ZNF554: variants seen among roughly 807,000 people sequenced by gnomAD.
ZNF554 encodes the protein zinc finger protein 554.
Under a neutral mutation model 21.2 loss-of-function variants are expected in ZNF554, and 15 were observed. The observed-to-expected ratio is 0.71, with a 90% confidence interval of 0.47 to 1.09. ZNF554 has a LOEUF of 1.09. Ranked by LOEUF, ZNF554 falls within the 50% of genes least tolerant of loss-of-function variation. ZNF554 has a pLI of 0.00. For synonymous variants in ZNF554, 258 were observed against 251.4 expected (o/e 1.03, Z -0.25); for missense variants, 691 against 662.7 (o/e 1.04, Z -0.47).
intron 2 of ZNF554, 100 bp from the exon 3 acceptor site, chr19:2,827,517 G>T: frequency 6.8e-7 from 1 of 1,465,198 alleles, no homozygotes; most frequent in South Asian, 1.4e-5. Context: ...TTTGCACCTT[G>T]ACCTTTCTCA....
rs1025397801 is a variant in ZNF554, at chr19:2,833,407, A to T, written c.446-274A>T. 4.7e-5 allele frequency: 12 copies of T among 255,982 alleles called. No homozygotes were observed. In the Admixed American group the frequency reaches 5.9e-4, roughly 13 times the overall value. 15.9% of individuals were successfully genotyped at this position (255,982 alleles called of 1,614,324 possible). ...CCAAGGTGCTGGGATTACAGGCGTG[A>T]GCCACTGCACCTGGCCTACAGAGTA... On this transcript the variant is annotated intron_variant, in intron 4 of 4. Transcript: ENST00000317243.
At chr19:2,828,591 C>T (rs915468524) in intron 3 of ZNF554, among the ~76,000 whole-genome samples, 9 of 151,306 alleles carry the variant, frequency 5.9e-5, no homozygotes, top group African/African-American at 1.7e-4. Context: ...TGCTTGAACA[C>T]GGGAGGCAGA....
rs747285347 is a variant in ZNF554 at position 2,823,100 on chromosome 19, C to T, written c.114C>T (p.Pro38=). The change falls in exon 2 of 5, where the codon CCC becomes CCT. Residue 38 remains proline, a synonymous_variant. Coordinates refer to ENST00000317243, the MANE Select transcript of ZNF554 (RefSeq NM_001102651.2). ...QEERMAAGYL[P]RWSQELVTFE... ...AGAGAATGGCTGCTGGGTACCTGCC[C>T]CGCTGGTCCCAGGTGAGATGTCCTC... 12 of 1,613,084 alleles carry T rather than the reference C, an allele frequency of 7.4e-6. No individual in the cohort carries two copies. The highest frequency in any genetic ancestry group is 1.7e-5 in the Admixed American group (1 of 59,966).
Position 2,836,079 on chromosome 19 carries a change from C to T in ZNF554, c.*1227C>T, listed in dbSNP as rs987687259. On this transcript the variant is annotated 3_prime_UTR_variant, in exon 5 of 5. Transcript: ENST00000317243. ...CTCAAACTCCTGAGCTCAAGCAATC[C>T]ACCCACCTTGGCCTCCCAAAGTGCT... Among the ~76,000 whole-genome samples the T allele has an allele frequency of 6.6e-6, 1 of 152,188 alleles. No homozygotes were observed. Among genetic ancestry groups the T allele is most frequent in the African/African-American group, 2.4e-5 (1 of 41,444 alleles).
intron 1 of ZNF554, among the ~76,000 whole-genome samples, chr19:2,822,149 CAAAT>C (rs2087272694): frequency 1.3e-5 from 2 of 152,144 alleles, no homozygotes; most frequent in South Asian, 4.2e-4. Flanking sequence ...CTCCCAGGTT[CAAAT>C]AATTATCGTG....
At chr19:2,828,005 G>A (rs569698523) in intron 3 of ZNF554, among the ~76,000 whole-genome samples, 5 of 152,246 alleles carry the variant, frequency 3.3e-5, no homozygotes, top group African/African-American at 9.6e-5. Flanking sequence ...GTCAGATCTC[G>A]TGAGACTTAT....
At chr19:2,820,822 G>C (rs369431300) in intron 1 of ZNF554, among the ~76,000 whole-genome samples, 1 of 150,636 alleles carries the variant, frequency 6.6e-6, no homozygotes, top group Non-Finnish European at 1.5e-5. Context: ...ATGCCACCAC[G>C]CCCGGCTAAT....
chr19:2,823,483 G>T (rs1459962181), intron 2 of ZNF554, among the ~76,000 whole-genome samples: 2 of 152,144 alleles, frequency 1.3e-5, no homozygotes, highest in Non-Finnish European at 2.9e-5. Flanking sequence ...GCAGCTCAGA[G>T]GATTGAGCAG....
At chr19:2,820,863 C>T (rs1048017374) in intron 1 of ZNF554, among the ~76,000 whole-genome samples, 5 of 150,748 alleles carry the variant, frequency 3.3e-5, no homozygotes, top group Admixed American at 2.6e-4. Context: ...CGGGGTTTCA[C>T]CATGTTGGCC....
Position 2,827,600 on chromosome 19 carries a change from C to A in ZNF554, c.127-17C>A, listed in dbSNP as rs201586008. 9.5e-5 allele frequency: 153 copies of A among 1,611,102 alleles called. 1 individual carries two copies. In the African/African-American group the frequency reaches 1.9e-3, roughly 20 times the overall value. On this transcript the variant is annotated splice_polypyrimidine_tract_variant and intron_variant, in intron 2 of 4. Transcript: ENST00000317243. ...GGCGATGGACCCATCTTGAGCAGAACTGCTGTGATATTCTAGGAATTAGTA... is the reference window on the plus strand; with the variant it reads ...GGCGATGGACCCATCTTGAGCAGAAATGCTGTGATATTCTAGGAATTAGTA...
In ZNF554 at chr19:2,821,916, G is replaced by T. The variant is rs1050481561; in HGVS notation, c.54-1124G>T. On this transcript the variant is annotated intron_variant, in intron 1 of 4. Coordinates refer to ENST00000317243, the MANE Select transcript of ZNF554 (RefSeq NM_001102651.2). This position sits in a 1 kb window ranked among gnomAD's most constrained non-coding sequence, Gnocchi z 8.2. The stretch of plus-strand genomic sequence containing the variant: ...CTGACCTCGTGGTCTGCCCGCCTTG[G>T]CCTTTCAAAATGCTGGGATTACAGA... Among the ~76,000 whole-genome samples, 3 of 151,992 alleles carry T rather than the reference G, an allele frequency of 2.0e-5. No individual in the cohort carries two copies. Among genetic ancestry groups the T allele is most frequent in the African/African-American group, 7.3e-5 (3 of 41,378 alleles).
intron 3 of ZNF554, 106 bp from the exon 4 acceptor site, chr19:2,832,197 A>G (rs1477044979): frequency 3.4e-6 from 4 of 1,175,930 alleles, no homozygotes; most frequent in Non-Finnish European, 3.5e-6. Flanking sequence ...AATTGCTGGG[A>G]TTACAGGAGT....
Position 2,836,115 on chromosome 19 carries a change from G to C in ZNF554, c.*1263G>C, listed in dbSNP as rs1033422103. On this transcript the variant is annotated 3_prime_UTR_variant, in exon 5 of 5. Coordinates refer to ENST00000317243, the MANE Select transcript of ZNF554 (RefSeq NM_001102651.2). ...GCCTCCCAAAGTGCTGGTATTACAG[G>C]TGTGAGCCACCGTGCTGGTATTACG... 1.3e-5 allele frequency among the ~76,000 whole-genome samples: 2 copies of C among 151,768 alleles called. No individual in the cohort carries two copies. Among genetic ancestry groups the C allele is most frequent in the Non-Finnish European group, 2.9e-5 (2 of 67,952 alleles).
At chr19:2,822,134 CCT>C (rs1434274377) in intron 1 of ZNF554, among the ~76,000 whole-genome samples, 4 of 152,152 alleles carry the variant, frequency 2.6e-5, no homozygotes, top group South Asian at 2.1e-4. Context: ...CACTGTAACC[CCT>C]GTCTCCCAGG....
intron 2 of ZNF554, among the ~76,000 whole-genome samples, chr19:2,824,260 G>A (rs998437273): frequency 2.0e-5 from 3 of 152,202 alleles, no homozygotes; most frequent in African/African-American, 4.8e-5. Context: ...CCTGGAGTGC[G>A]AGGCCCAGGT....
At position 2,820,000 on chromosome 19, in the gene ZNF554, G is replaced by T; in HGVS notation, c.-72G>T. 1 of 1,139,152 alleles carries T rather than the reference G, an allele frequency of 8.8e-7. No homozygotes were observed. Among genetic ancestry groups the T allele is most frequent in the Non-Finnish European group, 1.1e-6 (1 of 914,806 alleles). 70.6% of individuals were successfully genotyped at this position (1,139,152 alleles called of 1,614,324 possible). A position where few individuals can be genotyped will look rare whatever the true frequency, so the allele number is the denominator to read the frequency against. ...GGAGGAGGCGTCCCAGGGACACGCA[G>T]GGGAGGCCGGCCGGCCTGCACGGGG... On this transcript the variant is annotated 5_prime_UTR_variant, in exon 1 of 5. In the 5' UTR this introduces an upstream ATG that the reference lacks. Coordinates refer to ENST00000317243, the MANE Select transcript of ZNF554 (RefSeq NM_001102651.2).
At position 2,836,715 on chromosome 19, in the gene ZNF554, A is replaced by G. The variant is rs927545087; in HGVS notation, c.*1863A>G. Among the ~76,000 whole-genome samples the G allele has an allele frequency of 1.3e-5, 2 of 152,222 alleles. No homozygotes were observed. Among genetic ancestry groups the G allele is most frequent in the African/African-American group, 4.8e-5 (2 of 41,462 alleles). On this transcript the variant is annotated 3_prime_UTR_variant, in exon 5 of 5. Transcript: ENST00000317243. ...CAAATAGCACCCAAAATTGTGAAGG[A>G]TACGGAACCTCATTGATGAGTCAGG... is the stretch of plus-strand genomic sequence containing the variant.
At chr19:2,827,386 C>G (rs527737493) in intron 2 of ZNF554, among the ~76,000 whole-genome samples, 2 of 152,318 alleles carry the variant, frequency 1.3e-5, no homozygotes, top group African/African-American at 4.8e-5. Flanking sequence ...AATGTTTCAT[C>G]CAGACCTGTG....
At chr19:2,824,242 G>A (rs1268851311) in intron 2 of ZNF554, among the ~76,000 whole-genome samples, 1 of 152,182 alleles carries the variant, frequency 6.6e-6, no homozygotes, top group Non-Finnish European at 1.5e-5. Context: ...TCCAGCTCCT[G>A]CCTGCTTCCT....
Sources: gnomAD v4.1 joint callset for allele counts (sites outside exome capture counted in the v4.1 genomes callset) on GRCh38, gnomAD v4.1.1 for gene constraint, Gnocchi (gnomAD v3.1) non-coding constraint, MANE v1.5 for transcripts, NCBI Gene and HGNC (gene_info 2026-07-23, HGNC 2026-07-21) for gene names.